The following TEX10 variants were observed in gnomAD, a reference collection of about 807,000 sequenced individuals.
TEX10 encodes the protein testis expressed 10, also known as testis-expressed protein 10.
In TEX10, 24 loss-of-function variants were observed where a neutral mutation model predicts 104.4. The ratio of observed to expected loss-of-function variants is 0.23; its 90% CI spans 0.17 to 0.32. The LOEUF is 0.32. Among genes scored for constraint, TEX10 ranks in the 10% least tolerant of loss-of-function variants. The probability of loss-of-function intolerance (pLI) is 1.00; values close to 1 mark genes in which losing one functional copy is unlikely to be tolerated. For synonymous variants in TEX10, 396 were observed against 393.4 expected (o/e 1.01, Z -0.08); for missense variants, 921 against 1,083.9 (o/e 0.85, Z 2.11).
intron 1 of TEX10, among the ~76,000 whole-genome samples, chr9:100,350,719 T>C (rs1835419110): frequency 6.6e-6 from 1 of 152,178 alleles, no homozygotes; most frequent in South Asian, 2.1e-4. Context: ...TTTCCTTTAT[T>C]ACAATATTAA....
intron 5 of TEX10, among the ~76,000 whole-genome samples, chr9:100,335,013 G>A (rs1834973016): frequency 6.6e-6 from 1 of 151,956 alleles, no homozygotes; most frequent in African/African-American, 2.4e-5. Flanking sequence ...ACCCAAATCT[G>A]AATAACCACA....
intron 2 of TEX10, among the ~76,000 whole-genome samples, chr9:100,348,118 T>C (rs1835347649): frequency 6.6e-6 from 1 of 152,234 alleles, no homozygotes; most frequent in South Asian, 2.1e-4. Flanking sequence ...ACAAGCTACA[T>C]ACAACCTGGA....
chr9:100,307,265 G>GT (rs1311527417), intron 13 of TEX10: 1 of 152,172 alleles, frequency 6.6e-6, no homozygotes, highest in Non-Finnish European at 1.5e-5. Flanking sequence ...CCAGCCCATG[G>GT]TAAGTATTTG....
At chr9:100,348,910 A>AAAAT (rs780146370) in intron 2 of TEX10, among the ~76,000 whole-genome samples, 42 of 152,230 alleles carry the variant, frequency 2.8e-4, no homozygotes, top group Middle Eastern at 6.8e-3. Context: ...GACCTGTCTC[A>AAAAT]AAATAAATAA....
intron 5 of TEX10, among the ~76,000 whole-genome samples, chr9:100,338,166 C>T (rs368084928): frequency 7.9e-5 from 12 of 152,336 alleles, no homozygotes; most frequent in East Asian, 5.8e-4. Flanking sequence ...AGACGGGACA[C>T]TCTTCTGTTT....
intron 11 of TEX10, among the ~76,000 whole-genome samples, chr9:100,315,664 A>C (rs1404011413): frequency 1.3e-5 from 2 of 152,108 alleles, no homozygotes; most frequent in African/African-American, 4.8e-5. Flanking sequence ...TCAGCCAATA[A>C]AGTACTTTTT....
At chr9:100,310,172 C>A (rs1401161884) in intron 12 of TEX10, 127 bp downstream of exon 12, 2 of 762,470 alleles carry the variant, frequency 2.6e-6, no homozygotes, top group East Asian at 5.6e-5. Context: ...ATGCATCATG[C>A]TGCAAGAGAC....
rs775405744 is a variant in TEX10, at chr9:100,329,269, G to A, written c.1496C>T (p.Thr499Ile). Residue 499 changes from threonine to isoleucine, a missense_variant, in exon 7 of 15, where the codon ACA (threonine) becomes ATA (isoleucine). This residue lies in a region of TEX10 where 753 missense variants were observed against 868.4 expected (regional missense o/e 0.87). Transcript: ENST00000374902. ...LMQIQPNRED[T>I]ETLIKAVYTL... ...ATAAACTGCCTTAATAAGAGTCTCT[G>A]TGTCCTCTACAAACAGAAAGAAAAC... is the stretch of plus-strand genomic sequence containing the variant. The A allele has an allele frequency of 3.1e-6, 5 of 1,596,378 alleles. No individual in the cohort carries two copies. In the Admixed American group the frequency reaches 7.4e-5, roughly 24 times the overall value.
Position 100,349,192 on chromosome 9 carries a change from T to C in TEX10, c.172A>G (p.Asn58Asp), listed in dbSNP as rs756896535. The change falls in exon 2 of 15, where the codon AAC becomes GAC. Residue 58 changes from asparagine (N) to aspartate (D), a missense_variant. Asn to Asp is a conservative substitution (Grantham distance 23, BLOSUM62 1). Coordinates refer to ENST00000374902, the MANE Select transcript of TEX10 (RefSeq NM_017746.4). ...CATGATTTATGATTTACCTTTATGTTAAGTTTTCTATTGTTTGTTGGAAGT... is the reference window on the plus strand; with the variant it reads ...CATGATTTATGATTTACCTTTATGTCAAGTTTTCTATTGTTTGTTGGAAGT... Reference protein sequence around the residue: ...GTLPTNNRKLNIKDLLSQMHH... With the variant: ...GTLPTNNRKLDIKDLLSQMHH... The C allele has an allele frequency of 1.3e-6, 2 of 1,540,088 alleles. No homozygotes were observed. The highest frequency in any genetic ancestry group is 1.7e-6 in the Non-Finnish European group (2 of 1,151,682).
At position 100,320,255 on chromosome 9, in the gene TEX10, G is replaced by T; in HGVS notation, c.2202+10C>A. 1 of 1,583,432 alleles carries T rather than the reference G, an allele frequency of 6.3e-7. No homozygotes were observed. The highest frequency in any genetic ancestry group is 1.2e-5 in the South Asian group (1 of 85,156). On this transcript the variant is annotated intron_variant, in intron 11 of 14. Coordinates refer to ENST00000374902, the MANE Select transcript of TEX10 (RefSeq NM_017746.4). ...AATAATTATTAGTTTCTTTTTAAAT[G>T]AACTATTACCTCTGTTACATCCCAG... is the stretch of plus-strand genomic sequence containing the variant.
chr9:100,308,800 A>C (rs948235745), intron 12 of TEX10, 119 bp from the exon 13 acceptor site: 17 of 864,698 alleles, frequency 2.0e-5, no homozygotes, highest in South Asian at 6.5e-5. Flanking sequence ...ACCAATATAT[A>C]CCTAACATAT....
intron 5 of TEX10, among the ~76,000 whole-genome samples, chr9:100,337,891 ATC>A (rs3053739): frequency 0.45 from 68,921 of 151,950 alleles, 17,297 homozygotes; most frequent in East Asian, 0.89. Context: ...ATAAGCAGTT[ATC>A]TGTCTCTTCC....
intron 11 of TEX10, among the ~76,000 whole-genome samples, chr9:100,313,716 T>C (rs948479650): frequency 6.6e-6 from 1 of 150,474 alleles, no homozygotes; most frequent in Non-Finnish European, 1.5e-5. Flanking sequence ...TGGTGGTGCA[T>C]ACCTGTAATC....
chr9:100,344,331 A>G (rs963082340), intron 4 of TEX10, among the ~76,000 whole-genome samples: 1 of 152,202 alleles, frequency 6.6e-6, no homozygotes, highest in Non-Finnish European at 1.5e-5. Context: ...TATTTTAAAT[A>G]TCCATAAAAC....
rs1225920743 is a variant in TEX10 at position 100,326,378 on chromosome 9, G to A, written c.1903C>T (p.Arg635Trp). 2 of 1,613,956 alleles carry A rather than the reference G, an allele frequency of 1.2e-6. No homozygotes were observed. Among genetic ancestry groups the A allele is most frequent in the East Asian group, 2.2e-5 (1 of 44,864 alleles). The change falls in exon 9 of 15, where the codon CGG (arginine) becomes TGG (tryptophan). Residue 635 changes from arginine to tryptophan, a missense_variant. Physicochemically the swap from Arg to Trp is moderately radical, Grantham distance 101. Around this residue, in one of 3 missense-constraint regions of TEX10, gnomAD observed 753 missense variants for 868.4 expected, o/e 0.87. Transcript: ENST00000374902. ...CCCATAATACAGCAACGACTTAACC[G>A]AGAAAGCAAATCAGCCGGCAGACTG... ...LPSLPADLLS[R>W]LSRCCIMGRL...
At chr9:100,318,809 G>A (rs912006238) in intron 11 of TEX10, among the ~76,000 whole-genome samples, 8 of 152,170 alleles carry the variant, frequency 5.3e-5, no homozygotes, top group Non-Finnish European at 1.2e-4. Context: ...TATGCCTACA[G>A]CCCCAGCTAC....
At chr9:100,333,647 A>C (rs1194531164) in intron 5 of TEX10, among the ~76,000 whole-genome samples, 1 of 151,568 alleles carries the variant, frequency 6.6e-6, no homozygotes, top group East Asian at 1.9e-4. Context: ...AAAAAAAAAA[A>C]AAAAAAAAAC....
At chr9:100,329,715 C>CT (rs994371639) in intron 6 of TEX10, among the ~76,000 whole-genome samples, 4 of 152,014 alleles carry the variant, frequency 2.6e-5, no homozygotes, top group African/African-American at 9.7e-5. Context: ...GGGTAGAAAT[C>CT]TTTATCAATC....
In TEX10 at chr9:100,346,827, G is replaced by T; in HGVS notation, c.760C>A (p.Gln254Lys). 6.2e-7 allele frequency: 1 copy of T among 1,614,140 alleles called. No homozygotes were observed. Among genetic ancestry groups the T allele is most frequent in the Admixed American group, 1.7e-5 (1 of 60,016 alleles). ...RLRESEGLQE[Q>K]KENPHATSNS... ...CTAGTGGCATGGGGATTTTCTTTCT[G>T]TTCCTGAAGTCCTTCACTTTCTCTC... is the stretch of plus-strand genomic sequence containing the variant. The change falls in exon 3 of 15, where the codon CAG becomes AAG. Residue 254 changes from glutamine to lysine, a missense_variant. By Grantham distance (53) the Gln-to-Lys change is moderately conservative (BLOSUM62 1). This residue lies in a region of TEX10 where 753 missense variants were observed against 868.4 expected (regional missense o/e 0.87). Transcript: ENST00000374902.
Sources: gnomAD v4.1 joint callset for allele counts (sites outside exome capture counted in the v4.1 genomes callset) on GRCh38, gnomAD v4.1.1 for gene constraint, gnomAD v4.1.1 regional missense constraint, MANE v1.5 for transcripts, NCBI Gene and HGNC (gene_info 2026-07-23, HGNC 2026-07-21) for gene names.